The following CFAP54 variants were observed in gnomAD, a reference collection of about 807,000 sequenced individuals.
CFAP54 encodes cilia and flagella associated protein 54, also known as cilia- and flagella-associated protein 54.
In CFAP54, 290 loss-of-function variants were observed where a neutral mutation model predicts 370.4. The observed-to-expected ratio is 0.78, with a 90% CI of 0.71 to 0.86. The LOEUF is 0.86. CFAP54 is among the 40% of genes least tolerant of loss of function. CFAP54 has a pLI of 0.00. For missense variants in CFAP54, 3,399 were observed against 3,528.7 expected (o/e 0.96, Z 0.93); for synonymous variants, 1,206 against 1,236.5 (o/e 0.98, Z 0.52).
Position 96,533,859 on chromosome 12 carries a change from A to G in CFAP54, c.1425A>G (p.Gly475=). Reference sequence around the variant, plus strand: ...CATCTCTTCTGGAACTTATGATAGGAAGAAAAGATGTTATTTCTGTGGATG... The same window carrying G: ...CATCTCTTCTGGAACTTATGATAGGGAGAAAAGATGTTATTTCTGTGGATG... ...PKTSLLELMI[G]RKDVISVDAA... The change falls in exon 10 of 68, where the codon GGA becomes GGG. Residue 475 remains glycine (G), a synonymous_variant. Coordinates refer to ENST00000524981, the MANE Select transcript of CFAP54 (RefSeq NM_001306084.2). The G allele has an allele frequency of 6.5e-7, 1 of 1,535,144 alleles. No homozygotes were observed. Among genetic ancestry groups the G allele is most frequent in the Non-Finnish European group, 8.7e-7 (1 of 1,146,308 alleles).
Position 96,540,982 on chromosome 12 carries a change from C to A in CFAP54, c.2072C>A (p.Ser691Tyr), listed in dbSNP as rs1263072836. 3.3e-6 allele frequency: 5 copies of A among 1,493,158 alleles called. No homozygotes were observed. In the Admixed American group the frequency reaches 7.3e-5, roughly 22 times the overall value. The allele number at this position is 1,493,158 out of a possible 1,614,324, so 92.5% of individuals were successfully genotyped here. A position where few individuals can be genotyped will look rare whatever the true frequency, so the allele number is the denominator to read the frequency against. ...LGSPGRKFKQ[S>Y]LDVPLREGTN... Reference sequence around the variant, plus strand: ...AGCCCAGGAAGAAAATTTAAACAATCTCTAGGTAAAATGTTGGCTGAAAAA... The same window carrying A: ...AGCCCAGGAAGAAAATTTAAACAATATCTAGGTAAAATGTTGGCTGAAAAA... The change falls in exon 14 of 68, where the codon TCT becomes TAT. Residue 691 changes from serine (S) to tyrosine (Y), a missense_variant. By Grantham distance (144) the Ser-to-Tyr change is moderately radical. Transcript: ENST00000524981.
intron 32 of CFAP54, among the ~76,000 whole-genome samples, chr12:96,641,355 A>G (rs1225748362): frequency 7.2e-5 from 11 of 152,352 alleles, no homozygotes; most frequent in African/African-American, 2.2e-4. Context: ...CATCAGAGAA[A>G]TGCAAATCAA....
At chr12:96,700,530 T>C (rs528234629) in intron 46 of CFAP54, among the ~76,000 whole-genome samples, 8 of 152,320 alleles carry the variant, frequency 5.3e-5, no homozygotes, top group African/African-American at 1.7e-4. Context: ...GTGTTCAAAT[T>C]TCTTCTGATT....
chr12:96,806,172 AT>A lies in CFAP54; in HGVS notation c.8851-5563del, dbSNP rs1565984823. On this transcript the variant is annotated intron_variant, in intron 63 of 67. Coordinates refer to ENST00000524981, the MANE Select transcript of CFAP54 (RefSeq NM_001306084.2). ...TGTCACTAGCCAAATATATATATAT[AT>A]ATATATATATATATATATATATATA... Among the ~76,000 whole-genome samples the A allele has an allele frequency of 3.6e-3, 175 of 48,688 alleles. 11 individuals carry two copies. The highest frequency in any genetic ancestry group is 0.015 in the African/African-American group (160 of 10,662). 31.9% of individuals were successfully genotyped at this position (48,688 alleles called of 152,430 possible). A position where few individuals can be genotyped will look rare whatever the true frequency, so the allele number is the denominator to read the frequency against.
In CFAP54 at chr12:96,511,548, C is replaced by T. The variant is rs534442872; in HGVS notation, c.740-1438C>T. On this transcript the variant is annotated intron_variant, in intron 4 of 67. Coordinates refer to ENST00000524981, the MANE Select transcript of CFAP54 (RefSeq NM_001306084.2). The stretch of plus-strand genomic sequence containing the variant: ...GGCCAGGCTGATCTCGAATTCCTGA[C>T]CTCAGGTGTTTTGCCCCCTTCAGCC... 2.0e-3 allele frequency among the ~76,000 whole-genome samples: 303 copies of T among 152,272 alleles called. 1 individual carries two copies. The highest frequency in any genetic ancestry group is 8.8e-4 in the Non-Finnish European group (60 of 68,014).
intron 6 of CFAP54, among the ~76,000 whole-genome samples, chr12:96,521,352 T>C (rs1955310105): frequency 6.6e-6 from 1 of 152,200 alleles, no homozygotes; most frequent in South Asian, 2.1e-4. Context: ...CCTTCAGATA[T>C]TTATTAAATA....
chr12:96,829,175 A>C, intron 66 of CFAP54, 87 bp downstream of exon 66: 1 of 713,682 alleles, frequency 1.4e-6, no homozygotes, highest in South Asian at 2.2e-5. Context: ...TCTAATTGTA[A>C]GTATCAAGGG....
In CFAP54 at chr12:96,608,556, A is replaced by G. The variant is rs530794413; in HGVS notation, c.3639+9789A>G. On this transcript the variant is annotated intron_variant, in intron 26 of 67. Coordinates refer to ENST00000524981, the MANE Select transcript of CFAP54 (RefSeq NM_001306084.2). ...AGCTCACTGCAACCTCTGCCTCTCC[A>G]GTTCAAGTGATTCTCATGCCTCAGC... Among the ~76,000 whole-genome samples, 483 of 141,972 alleles carry G rather than the reference A, an allele frequency of 3.4e-3. 4 individuals are homozygous for G. The highest frequency in any genetic ancestry group is 0.012 in the African/African-American group (459 of 37,808). The allele number at this position is 141,972 out of a possible 152,430, so 93.1% of individuals were successfully genotyped here.
intron 60 of CFAP54, among the ~76,000 whole-genome samples, chr12:96,771,710 G>T (rs940269581): frequency 1.3e-5 from 2 of 152,132 alleles, no homozygotes; most frequent in African/African-American, 4.8e-5. Context: ...TAGGTTGTAA[G>T]GTTGTAATTC....
intron 38 of CFAP54, among the ~76,000 whole-genome samples, chr12:96,660,841 G>T (rs1592694496): frequency 6.6e-6 from 1 of 152,044 alleles, no homozygotes; most frequent in South Asian, 2.1e-4. Flanking sequence ...GACAAATTAG[G>T]GTTCTTATGA....
chr12:96,810,600 G>A lies in CFAP54; in HGVS notation c.8851-1136G>A, dbSNP rs565287943. On this transcript the variant is annotated intron_variant, in intron 63 of 67. Transcript: ENST00000524981. ...GAATGATTACCCAATTACTCATACC[G>A]GAACTGAATGGACCCAAAGGGTAGA... Among the ~76,000 whole-genome samples, 4 of 152,252 alleles carry A rather than the reference G, an allele frequency of 2.6e-5. No individual in the cohort carries two copies. In the South Asian group the frequency reaches 8.3e-4, roughly 32 times the overall value.
chr12:96,721,983 A>C (rs1240030952), intron 50 of CFAP54, among the ~76,000 whole-genome samples: 1 of 152,188 alleles, frequency 6.6e-6, no homozygotes, highest in Non-Finnish European at 1.5e-5. Context: ...AATGGCTGAC[A>C]GCTTTCAAGC....
rs868153156 is a variant in CFAP54 at position 96,658,338 on chromosome 12, G to A, written c.5452G>A (p.Gly1818Arg). Reference protein sequence around the residue: ...QPCARYEAEYGEKITCRNFIG... With the variant: ...QPCARYEAEYREKITCRNFIG... ...TTGTGCAAGGTATGAGGCTGAATAT[G>A]GAGAGAAGGTAAGTTTAAGTTAGTT... Residue 1818 changes from glycine (G) to arginine (R), a missense_variant, in exon 38 of 68, where the codon GGA (glycine) becomes AGA (arginine). Physicochemically the swap from Gly to Arg is moderately radical, Grantham distance 125 (BLOSUM62 -2). Transcript: ENST00000524981. 3.7e-6 allele frequency: 6 copies of A among 1,614,018 alleles called. No individual in the cohort carries two copies. The highest frequency in any genetic ancestry group is 5.1e-6 in the Non-Finnish European group (6 of 1,179,970).
chr12:96,582,183 A>C (rs1956038911), intron 22 of CFAP54, among the ~76,000 whole-genome samples: 2 of 152,180 alleles, frequency 1.3e-5, no homozygotes, highest in African/African-American at 4.8e-5. Context: ...ATGCCTGTCA[A>C]ATATTATCAC....
chr12:96,690,703 C>T (rs548976948), intron 43 of CFAP54, among the ~76,000 whole-genome samples: 148 of 152,178 alleles, frequency 9.7e-4, no homozygotes, highest in African/African-American at 3.5e-3. Flanking sequence ...AATCTCCTTT[C>T]TGCCATCGTT....
chr12:96,812,083 G>A (rs1354889640), intron 64 of CFAP54, among the ~76,000 whole-genome samples: 1 of 152,144 alleles, frequency 6.6e-6, no homozygotes, highest in African/African-American at 2.4e-5. Flanking sequence ...GGCAGTTTAT[G>A]TAACCTCTGT....
intron 26 of CFAP54, among the ~76,000 whole-genome samples, chr12:96,599,614 C>T (rs1565909063): frequency 6.6e-6 from 1 of 152,194 alleles, no homozygotes; most frequent in Non-Finnish European, 1.5e-5. Context: ...AACTAATTTA[C>T]ACTCCCATCA....
intron 1 of CFAP54, among the ~76,000 whole-genome samples, chr12:96,492,621 C>G (rs1056349505): frequency 2.6e-5 from 4 of 152,172 alleles, no homozygotes; most frequent in Non-Finnish European, 4.4e-5. Flanking sequence ...TTTTTCATTG[C>G]TGTATTTCTG....
intron 9 of CFAP54, among the ~76,000 whole-genome samples, chr12:96,532,372 T>G (rs1955448310): frequency 6.6e-6 from 1 of 152,186 alleles, no homozygotes; most frequent in Non-Finnish European, 1.5e-5. Context: ...CACATGTGGG[T>G]GCACATGTGT....
Sources: gnomAD v4.1 joint callset for allele counts (sites outside exome capture counted in the v4.1 genomes callset) on GRCh38, gnomAD v4.1.1 for gene constraint, MANE v1.5 for transcripts, NCBI Gene and HGNC (gene_info 2026-07-23, HGNC 2026-07-21) for gene names.